Variants in BORCS5 observed in about 807,000 individuals in gnomAD.
BORCS5 encodes BLOC-1 related complex subunit 5.
BORCS5 carries 17 observed loss-of-function variants against 22.1 expected under a neutral mutation model. That is an observed-to-expected ratio of 0.77 (90% CI 0.53 to 1.15). The LOEUF is 1.15. Ranked by LOEUF, BORCS5 falls within the 50% of genes most tolerant of loss-of-function variation. The pLI is 0.00. For synonymous variants in BORCS5, 117 were observed against 99.8 expected, an observed-to-expected ratio of 1.17 and a Z score of -1.03; for missense variants, 247 against 253.2, an observed-to-expected ratio of 0.98 and a Z score of 0.17.
At chr12:12,364,902 G>T (rs1176309619) in intron 2 of BORCS5, among the ~76,000 whole-genome samples, 1 of 152,170 alleles carries the variant, frequency 6.6e-6, no homozygotes, top group Non-Finnish European at 1.5e-5. Context: ...TAGAGGTGGA[G>T]GTTGCAGTGA....
rs530499164 is a variant in BORCS5 at position 12,410,781 on chromosome 12, G to A, written c.203-24847G>A. Among the ~76,000 whole-genome samples the A allele has an allele frequency of 3.2e-4, 49 of 152,294 alleles. No individual in the cohort carries two copies. In the East Asian group the frequency reaches 7.7e-3, roughly 24 times the overall value. On this transcript the variant is annotated intron_variant, in intron 2 of 3. Coordinates refer to ENST00000314565, the MANE Select transcript of BORCS5 (RefSeq NM_058169.6). ...CTGTGAAGAAAGTCATTGGTAGCTT[G>A]ATGGGGATGGCATTGAATCTATAAA...
At chr12:12,391,330 A>G (rs1324866546) in intron 2 of BORCS5, among the ~76,000 whole-genome samples, 2 of 152,032 alleles carry the variant, frequency 1.3e-5, no homozygotes, top group East Asian at 3.9e-4. Context: ...TCACATTGGT[A>G]GGTGGTAAAG....
intron 3 of BORCS5, among the ~76,000 whole-genome samples, chr12:12,445,463 A>AT (rs1311507381): frequency 1.6e-4 from 3 of 18,540 alleles, no homozygotes; most frequent in Non-Finnish European, 3.7e-4. Flanking sequence ...GTTTTTCTGT[A>AT]TTTTACAAGA....
intron 2 of BORCS5, among the ~76,000 whole-genome samples, chr12:12,398,712 A>G (rs888209504): frequency 3.9e-5 from 6 of 152,358 alleles, no homozygotes; most frequent in African/African-American, 1.2e-4. Context: ...CTAGGAGGCA[A>G]TACTGTGCAG....
chr12:12,442,733 A>G (rs141188351), intron 3 of BORCS5, among the ~76,000 whole-genome samples: 1 of 152,288 alleles, frequency 6.6e-6, no homozygotes, highest in African/African-American at 2.4e-5. Flanking sequence ...TTTCCACTGC[A>G]CCATACTACT....
rs71061052 is a variant in BORCS5, at chr12:12,369,712, C to CT, written c.202+8393dup. On this transcript the variant is annotated intron_variant, in intron 2 of 3. Coordinates refer to ENST00000314565, the MANE Select transcript of BORCS5 (RefSeq NM_058169.6). ...GTGTGGTTTCATTCACCCCCCACTT[C>CT]TTTTTTTTTTTTTTTTTTTTTTTTT... 7.6e-3 allele frequency among the ~76,000 whole-genome samples: 326 copies of CT among 42,942 alleles called. 39 individuals carry two copies. The highest frequency in any genetic ancestry group is 0.025 in the Middle Eastern group (1 of 40). The allele number at this position is 42,942 out of a possible 152,430, so 28.2% of individuals were successfully genotyped here.
chr12:12,361,448 C>T (rs1863285093), intron 2 of BORCS5, 99 bp downstream of exon 2: 2 of 1,332,638 alleles, frequency 1.5e-6, no homozygotes, highest in Non-Finnish European at 2.1e-6. Context: ...TCTCTCATCT[C>T]CTTTAGGTCT....
At position 12,386,639 on chromosome 12, in the gene BORCS5, T is replaced by G. The variant is rs530451406; in HGVS notation, c.202+25290T>G. On this transcript the variant is annotated intron_variant, in intron 2 of 3. Transcript: ENST00000314565. ...CTGGACTACAGGCACGTGCTAGTTTTTTGTATTTTTCATAGAGACAGGGCT... is the reference window on the plus strand; with the variant it reads ...CTGGACTACAGGCACGTGCTAGTTTGTTGTATTTTTCATAGAGACAGGGCT... Among the ~76,000 whole-genome samples, 163 of 83,374 alleles carry G rather than the reference T, an allele frequency of 2.0e-3. 6 individuals are homozygous for G. The highest frequency in any genetic ancestry group is 2.4e-3 in the Non-Finnish European group (97 of 40,168). The allele number at this position is 83,374 out of a possible 152,430, so 54.7% of individuals were successfully genotyped here. A position where few individuals can be genotyped will look rare whatever the true frequency, so the allele number is the denominator to read the frequency against.
chr12:12,428,924 A>G (rs779504790), intron 2 of BORCS5, among the ~76,000 whole-genome samples: 56 of 152,338 alleles, frequency 3.7e-4, no homozygotes, highest in Non-Finnish European at 7.6e-4. Flanking sequence ...ATAAAACTAT[A>G]CAAAAAATAA....
At chr12:12,460,104 A>G (rs1943075465) in intron 3 of BORCS5, among the ~76,000 whole-genome samples, 1 of 152,218 alleles carries the variant, frequency 6.6e-6, no homozygotes, top group African/African-American at 2.4e-5. Context: ...TCAATTTGGC[A>G]AGCATCAGCA....
chr12:12,371,739 C>T (rs908228827), intron 2 of BORCS5, among the ~76,000 whole-genome samples: 3 of 152,176 alleles, frequency 2.0e-5, no homozygotes, highest in Admixed American at 1.3e-4. Flanking sequence ...TTTTGTGGGA[C>T]GCCAATTCGA....
At chr12:12,419,353 G>T (rs1465215883) in intron 2 of BORCS5, among the ~76,000 whole-genome samples, 1 of 152,134 alleles carries the variant, frequency 6.6e-6, no homozygotes, top group Non-Finnish European at 1.5e-5. Context: ...CTTCATCCAT[G>T]TCCCTGCAAA....
At chr12:12,465,490 C>G in intron 3 of BORCS5, 56 bp from the exon 4 acceptor site, 1 of 1,492,788 alleles carries the variant, frequency 6.7e-7, no homozygotes, top group East Asian at 2.4e-5. Flanking sequence ...ACACCCGGCC[C>G]TGCGGAGAGG....
chr12:12,426,935 G>A lies in BORCS5; in HGVS notation c.203-8693G>A, dbSNP rs74590885. Among the ~76,000 whole-genome samples the A allele has an allele frequency of 5.0e-3, 756 of 152,126 alleles. 8 individuals are homozygous for A. Among genetic ancestry groups the A allele is most frequent in the African/African-American group, 0.017 (721 of 41,496 alleles). On this transcript the variant is annotated intron_variant, in intron 2 of 3. Coordinates refer to ENST00000314565, the MANE Select transcript of BORCS5 (RefSeq NM_058169.6). ...TTGTGGTGGGTGGCATCTTACATGG[G>A]GCTTGTTCTGCACTTGCAGTTTCTT...
At chr12:12,433,493 TG>T (rs1489853010) in intron 2 of BORCS5, among the ~76,000 whole-genome samples, 1 of 151,800 alleles carries the variant, frequency 6.6e-6, no homozygotes, top group African/African-American at 2.4e-5. Context: ...AAGGGAGGGA[TG>T]GGTAGGATCT....
chr12:12,414,696 C>CCA (rs1476440697), intron 2 of BORCS5, among the ~76,000 whole-genome samples: 1 of 127,524 alleles, frequency 7.8e-6, no homozygotes, highest in Admixed American at 7.3e-5. Flanking sequence ...GCTGACCCCC[C>CCA]CCACCTCCCT....
At chr12:12,360,415 G>GT (rs781300079) in intron 1 of BORCS5, among the ~76,000 whole-genome samples, 5 of 151,818 alleles carry the variant, frequency 3.3e-5, no homozygotes, top group Non-Finnish European at 5.9e-5. Flanking sequence ...TTGTTGTTTT[G>GT]TTTTTTGAGA....
In BORCS5 at chr12:12,446,107, C is replaced by T. The variant is rs144071257; in HGVS notation, c.360+10322C>T. ...TGCTTCATTTATGAACTAGTCAGCT[C>T]TGTGTCAGGCCCTGTTGTAGGTGTC... On this transcript the variant is annotated intron_variant, in intron 3 of 3. Coordinates refer to ENST00000314565, the MANE Select transcript of BORCS5 (RefSeq NM_058169.6). Among the ~76,000 whole-genome samples, 484 of 152,252 alleles carry T rather than the reference C, an allele frequency of 3.2e-3. 1 individual carries two copies. Among genetic ancestry groups the T allele is most frequent in the African/African-American group, 0.011 (454 of 41,542 alleles).
At chr12:12,457,580 A>G (rs1943021241) in intron 3 of BORCS5, among the ~76,000 whole-genome samples, 1 of 151,988 alleles carries the variant, frequency 6.6e-6, no homozygotes, top group Non-Finnish European at 1.5e-5. Flanking sequence ...GAGGCAGGAG[A>G]ATGGCGTGAA....
Sources: gnomAD v4.1 joint callset for allele counts (sites outside exome capture counted in the v4.1 genomes callset) on GRCh38, gnomAD v4.1.1 for gene constraint, MANE v1.5 for transcripts, NCBI Gene and HGNC (gene_info 2026-07-23, HGNC 2026-07-21) for gene names.